Variants in PPP2R2C observed in about 807,000 individuals in gnomAD.
PPP2R2C encodes protein phosphatase 2 regulatory subunit Bgamma.
PPP2R2C carries 10 observed loss-of-function variants against 45.3 expected under a neutral mutation model. The ratio of observed to expected loss-of-function variants is 0.22; its 90% confidence interval spans 0.14 to 0.37. The LOEUF (loss-of-function observed/expected upper bound fraction) is 0.37. Among genes scored for constraint, PPP2R2C ranks in the 10% least tolerant of loss-of-function variants. PPP2R2C has a pLI of 1.00. For missense variants in PPP2R2C, 308 were observed against 619.7 expected (o/e 0.50, Z 5.34); for synonymous variants, 257 against 245.4 (o/e 1.05, Z -0.44).
chr4:6,382,963 C>T (rs544727671), intron 1 of PPP2R2C: 95 of 1,073,660 alleles, frequency 8.8e-5, no homozygotes, highest in South Asian at 5.1e-4. Context: ...CCCCACCTGC[C>T]GAGGCCCAGG....
intron 1 of PPP2R2C, among the ~76,000 whole-genome samples, chr4:6,458,125 T>C (rs1254320318): frequency 6.6e-6 from 1 of 152,226 alleles, no homozygotes; most frequent in Non-Finnish European, 1.5e-5. Context: ...TTACCTCCAA[T>C]TTAAATTTCA....
At chr4:6,410,278 C>A (rs1040248948) in intron 1 of PPP2R2C, among the ~76,000 whole-genome samples, 1 of 152,192 alleles carries the variant, frequency 6.6e-6, no homozygotes, top group Non-Finnish European at 1.5e-5. Flanking sequence ...CCTAATGAAG[C>A]GTCCCATGTT....
intron 5 of PPP2R2C, chr4:6,350,933 A>T (rs1712493195): frequency 9.1e-6 from 9 of 985,332 alleles, no homozygotes; most frequent in Non-Finnish European, 1.1e-5. Flanking sequence ...CCACTGCAAA[A>T]CGTGAGCCCC....
At chr4:6,480,826 T>C (rs947662002) in intron 2 of PPP2R2C, among the ~76,000 whole-genome samples, 3 of 152,240 alleles carry the variant, frequency 2.0e-5, no homozygotes, top group African/African-American at 4.8e-5. Flanking sequence ...CAAGTGACAC[T>C]TGGAATAGAC....
chr4:6,455,548 C>T (rs947291406), intron 1 of PPP2R2C, among the ~76,000 whole-genome samples: 2 of 152,304 alleles, frequency 1.3e-5, no homozygotes, highest in African/African-American at 2.4e-5. Context: ...CTCTCCACCC[C>T]ACAACGTTCA....
chr4:6,423,605 C>CA (rs1371006028), intron 1 of PPP2R2C, among the ~76,000 whole-genome samples: 9 of 152,112 alleles, frequency 5.9e-5, no homozygotes, highest in African/African-American at 2.2e-4. Context: ...TAAACAGACC[C>CA]AAAAAATAAT....
intron 1 of PPP2R2C, among the ~76,000 whole-genome samples, chr4:6,537,636 C>T (rs1422437731): frequency 6.6e-6 from 1 of 151,122 alleles, no homozygotes; most frequent in East Asian, 1.9e-4. Context: ...CTGTAAGCTC[C>T]GCCTCCCAGG....
At chr4:6,488,147 A>T (rs1419521988) in intron 2 of PPP2R2C, among the ~76,000 whole-genome samples, 1 of 152,214 alleles carries the variant, frequency 6.6e-6, no homozygotes, top group East Asian at 1.9e-4. Context: ...ACAGAACATG[A>T]TTATAATAAG....
At chr4:6,475,808 C>T (rs1722123438), upstream of PPP2R2C, among the ~76,000 whole-genome samples, 1 of 152,242 alleles carries the variant, frequency 6.6e-6, no homozygotes, top group South Asian at 2.1e-4. Flanking sequence ...GTGCTGTGCA[C>T]CGCACCATGT....
chr4:6,401,835 G>A lies in PPP2R2C; in HGVS notation c.71-20741C>T, dbSNP rs557290735. On this transcript the variant is annotated intron_variant, in intron 1 of 8. Coordinates refer to ENST00000382599, the MANE Select transcript of PPP2R2C (RefSeq NM_020416.4). ...AAAGGGCAGAATCTGGTGGGAGAGGGGGGGTATCTGCCATGGAAGCTACCT... is the reference window on the plus strand; with the variant it reads ...AAAGGGCAGAATCTGGTGGGAGAGGAGGGGTATCTGCCATGGAAGCTACCT... Among the ~76,000 whole-genome samples the A allele has an allele frequency of 2.7e-4, 41 of 152,278 alleles. No homozygotes were observed. In the South Asian group the frequency reaches 8.3e-3, roughly 31 times the overall value.
chr4:6,472,512 C>T lies in PPP2R2C; in HGVS notation c.-283G>A, dbSNP rs987223573. On this transcript the variant is annotated 5_prime_UTR_variant, in exon 1 of 9. Transcript: ENST00000382599. Reference sequence around the variant, plus strand: ...GCCCGTGCGCGCTGCGTCCGTGCGCCCGGCGGCGGGGCCTGGTGCCGGTGC... The same window carrying T: ...GCCCGTGCGCGCTGCGTCCGTGCGCTCGGCGGCGGGGCCTGGTGCCGGTGC... The T allele has an allele frequency of 1.9e-5, 3 of 161,564 alleles. No individual in the cohort carries two copies. In the Admixed American group the frequency reaches 2.0e-4, roughly 11 times the overall value. The allele number at this position is 161,564 out of a possible 1,614,324, so 10.0% of individuals were successfully genotyped here. A position where few individuals can be genotyped will look rare whatever the true frequency, so the allele number is the denominator to read the frequency against.
rs556167789 is a variant in PPP2R2C at position 6,396,065 on chromosome 4, A to T, written c.71-14971T>A. The stretch of plus-strand genomic sequence containing the variant: ...GAACTCACACAGGAGCATTACACAC[A>T]GTGTGTGCGAACCCTCGCGGCAGCC... On this transcript the variant is annotated intron_variant, in intron 1 of 8. Transcript: ENST00000382599. 4.3e-3 allele frequency among the ~76,000 whole-genome samples: 653 copies of T among 152,286 alleles called. 4 individuals carry two copies. The highest frequency in any genetic ancestry group is 6.0e-3 in the Non-Finnish European group (410 of 68,024).
At chr4:6,350,520 CAGG>C (rs778237111) in intron 5 of PPP2R2C, 58 of 985,292 alleles carry the variant, frequency 5.9e-5, no homozygotes, top group Admixed American at 1.2e-4. Context: ...GTGAGTCCCA[CAGG>C]AGTTCTGTTT....
At chr4:6,416,918 G>A (rs1051833571) in intron 1 of PPP2R2C, among the ~76,000 whole-genome samples, 1 of 152,164 alleles carries the variant, frequency 6.6e-6, no homozygotes, top group African/African-American at 2.4e-5. Context: ...ATTGGGGAGG[G>A]AGATGGGAAA....
rs114151786 is a variant in PPP2R2C at position 6,406,310 on chromosome 4, C to T, written c.71-25216G>A. Among the ~76,000 whole-genome samples, 635 of 152,244 alleles carry T rather than the reference C, an allele frequency of 4.2e-3. 6 individuals are homozygous for T. The highest frequency in any genetic ancestry group is 0.015 in the African/African-American group (603 of 41,542). On this transcript the variant is annotated intron_variant, in intron 1 of 8. Coordinates refer to ENST00000382599, the MANE Select transcript of PPP2R2C (RefSeq NM_020416.4). ...CATGGGGAAGTTGGTCTTTCTTAAC[C>T]CACTATCATTTTAAGAATTTCAAAG...
chr4:6,512,383 G>A (rs866480695), intron 2 of PPP2R2C, among the ~76,000 whole-genome samples: 1,676 of 47,380 alleles, frequency 0.035, 8 homozygotes, highest in African/African-American at 0.1. Context: ...GGTGGTGGTG[G>A]TGGTGATGGT....
intron 2 of PPP2R2C, among the ~76,000 whole-genome samples, chr4:6,500,843 C>T (rs1723028459): frequency 6.6e-6 from 1 of 152,214 alleles, no homozygotes; most frequent in Non-Finnish European, 1.5e-5. Context: ...CCCTGCAGGG[C>T]CCTGAGGGAG....
chr4:6,351,059 C>A, intron 5 of PPP2R2C: 1 of 981,074 alleles, frequency 1.0e-6, no homozygotes, highest in Non-Finnish European at 1.2e-6. Context: ...AATCCCAGCA[C>A]TTTGGGAGGT....
chr4:6,510,230 A>C (rs1723380467), intron 2 of PPP2R2C, among the ~76,000 whole-genome samples: 4 of 144,596 alleles, frequency 2.8e-5, no homozygotes, highest in African/African-American at 5.3e-5. Flanking sequence ...CCCTTTCACC[A>C]CCTCCCACCA....
Sources: allele counts gnomAD v4.1 joint callset (sites outside exome capture counted in the v4.1 genomes callset), GRCh38; gene constraint gnomAD v4.1.1; transcripts MANE v1.5; gene names NCBI Gene and HGNC (gene_info 2026-07-23, HGNC 2026-07-21).